THSD7B: variants seen among roughly 807,000 people sequenced by gnomAD.
THSD7B encodes the protein thrombospondin type-1 domain-containing protein 7B.
THSD7B carries 138 observed loss-of-function variants against 213.6 expected under a neutral mutation model. The ratio of observed to expected loss-of-function variants is 0.65; its 90% CI spans 0.56 to 0.74. The LOEUF is 0.74. Ranked by LOEUF, THSD7B falls within the 30% of genes least tolerant of loss-of-function variation. The pLI is 0.00. For synonymous variants in THSD7B, 742 were observed against 687.0 expected, an observed-to-expected ratio of 1.08 and a Z score of -1.25; for missense variants, 1,931 against 1,991.5, an observed-to-expected ratio of 0.97 and a Z score of 0.58.
At chr2:137,138,857 ACG>A (rs199846050) in intron 5 of THSD7B, among the ~76,000 whole-genome samples, 1 of 108,800 alleles carries the variant, frequency 9.2e-6, no homozygotes, top group East Asian at 2.7e-4. Flanking sequence ...AATTGTATGT[ACG>A]TTCTTCTTGA....
chr2:137,308,205 C>T (rs143505916), intron 12 of THSD7B, among the ~76,000 whole-genome samples: 3 of 151,996 alleles, frequency 2.0e-5, no homozygotes, highest in South Asian at 2.1e-4. Flanking sequence ...TCAGTCCTAG[C>T]GATGATGGAG....
intron 17 of THSD7B, among the ~76,000 whole-genome samples, chr2:137,581,369 C>T (rs571704009): frequency 6.6e-6 from 1 of 152,276 alleles, no homozygotes; most frequent in Non-Finnish European, 1.5e-5. Flanking sequence ...GGGCAGATCA[C>T]CTGAGGTTGG....
chr2:137,222,514 T>G (rs1260464019), intron 7 of THSD7B, among the ~76,000 whole-genome samples: 1 of 152,190 alleles, frequency 6.6e-6, no homozygotes, highest in Non-Finnish European at 1.5e-5. Context: ...GAAACAAGGT[T>G]TCCATATTAA....
intron 3 of THSD7B, among the ~76,000 whole-genome samples, chr2:137,061,743 A>T (rs2104881881): frequency 6.6e-6 from 1 of 151,892 alleles, no homozygotes; most frequent in African/African-American, 2.4e-5. Context: ...CCTTTTACAT[A>T]GTGTTGGATT....
At chr2:137,583,553 A>G (rs992304602) in intron 17 of THSD7B, among the ~76,000 whole-genome samples, 2 of 152,222 alleles carry the variant, frequency 1.3e-5, no homozygotes, top group East Asian at 1.9e-4. Context: ...AGCTTTCTAC[A>G]TATGGCTAGC....
chr2:137,655,690 C>G, intron 22 of THSD7B, 30 bp downstream of exon 22: 1 of 1,594,384 alleles, frequency 6.3e-7, no homozygotes. Context: ...GGGAGCGCCT[C>G]CCATGGTGAT....
At chr2:137,423,581 G>A (rs79877628) in intron 14 of THSD7B, among the ~76,000 whole-genome samples, 17 of 152,052 alleles carry the variant, frequency 1.1e-4, no homozygotes, top group Admixed American at 5.9e-4. Flanking sequence ...TCTATTTAAC[G>A]AAAGAAACTT....
At chr2:137,206,782 G>T (rs866714319) in intron 7 of THSD7B, among the ~76,000 whole-genome samples, 4 of 152,022 alleles carry the variant, frequency 2.6e-5, no homozygotes, top group Non-Finnish European at 4.4e-5. Context: ...ATTCACAGAC[G>T]CATCGTTTGC....
At chr2:137,437,427 T>C (rs1390647311) in intron 14 of THSD7B, among the ~76,000 whole-genome samples, 1 of 152,178 alleles carries the variant, frequency 6.6e-6, no homozygotes, top group Non-Finnish European at 1.5e-5. Context: ...CCTATAAAGC[T>C]AAGATGATTG....
At chr2:136,942,486 G>A (rs545323702) in intron 2 of THSD7B, among the ~76,000 whole-genome samples, 1 of 152,298 alleles carries the variant, frequency 6.6e-6, no homozygotes, top group East Asian at 1.9e-4. Context: ...CCATGAGCAT[G>A]GAATGTTCTT....
intron 1 of THSD7B, among the ~76,000 whole-genome samples, chr2:136,844,493 A>AGAGAGG (rs1359607314): frequency 1.3e-5 from 2 of 149,744 alleles, no homozygotes; most frequent in Non-Finnish European, 3.0e-5. Context: ...AGAGAGAGAG[A>AGAGAGG]GACAGAGAGA....
chr2:136,818,037 C>T (rs1573652518), intron 1 of THSD7B, among the ~76,000 whole-genome samples: 1 of 146,068 alleles, frequency 6.8e-6, no homozygotes, highest in African/African-American at 2.5e-5. Context: ...CCCAGCCATC[C>T]CATTACTGGG....
At chr2:137,330,104 A>G (rs1007357575) in intron 12 of THSD7B, among the ~76,000 whole-genome samples, 1 of 152,158 alleles carries the variant, frequency 6.6e-6, no homozygotes, top group African/African-American at 2.4e-5. Flanking sequence ...GTAGAAGTCA[A>G]GATTTGAGGT....
chr2:137,215,611 A>G (rs1681220342), intron 7 of THSD7B, among the ~76,000 whole-genome samples: 2 of 152,146 alleles, frequency 1.3e-5, no homozygotes, highest in Admixed American at 1.3e-4. Flanking sequence ...ACCACCTAGT[A>G]ATAGTCTTTA....
intron 3 of THSD7B, among the ~76,000 whole-genome samples, chr2:137,069,026 A>T (rs1194229077): frequency 1.3e-5 from 2 of 151,970 alleles, no homozygotes; most frequent in East Asian, 3.9e-4. Flanking sequence ...TATATTTGCA[A>T]TGTGGTAGGC....
chr2:136,933,358 T>C (rs551957394), intron 2 of THSD7B, among the ~76,000 whole-genome samples: 48 of 152,230 alleles, frequency 3.2e-4, no homozygotes, highest in South Asian at 2.9e-3. Flanking sequence ...GCAGATCACC[T>C]GAGGTCAGGA....
intron 1 of THSD7B, among the ~76,000 whole-genome samples, chr2:136,779,344 G>A (rs779819243): frequency 6.6e-6 from 1 of 151,914 alleles, no homozygotes; most frequent in Non-Finnish European, 1.5e-5. Context: ...ATTTCTCAGG[G>A]CACATTAGAG....
intron 10 of THSD7B, among the ~76,000 whole-genome samples, chr2:137,261,784 A>C (rs1470431280): frequency 1.3e-5 from 2 of 152,094 alleles, no homozygotes; most frequent in African/African-American, 4.8e-5. Flanking sequence ...ATGTTTTACA[A>C]CCACCTCCAA....
intron 3 of THSD7B, among the ~76,000 whole-genome samples, chr2:137,071,501 G>A (rs536948090): frequency 1.8e-4 from 27 of 152,212 alleles, no homozygotes; most frequent in Admixed American, 1.2e-3. Flanking sequence ...CTCCCATTTT[G>A]TAGGTTGCCT....
Sources: gnomAD v4.1 joint callset for allele counts (sites outside exome capture counted in the v4.1 genomes callset) on GRCh38, gnomAD v4.1.1 for gene constraint, MANE v1.5 for transcripts, NCBI Gene and HGNC (gene_info 2026-07-23, HGNC 2026-07-21) for gene names.